The following WWC1 variants were observed in gnomAD, a reference collection of about 807,000 sequenced individuals.
WWC1 encodes WW and C2 domain containing 1, also known as protein KIBRA.
Under a neutral mutation model 138.4 loss-of-function variants are expected in WWC1, and 55 were observed. That is an observed-to-expected ratio of 0.40 (90% CI 0.32 to 0.50). The LOEUF is 0.50. Among genes scored for constraint, WWC1 ranks in the 20% least tolerant of loss-of-function variants. The pLI is 0.72. For synonymous variants in WWC1, 524 were observed against 564.9 expected, an observed-to-expected ratio of 0.93 and a Z score of 1.03; for missense variants, 1,226 against 1,420.4, an observed-to-expected ratio of 0.86 and a Z score of 2.20.
At chr5:168,421,079 A>G (rs761900427) in intron 9 of WWC1, among the ~76,000 whole-genome samples, 5 of 152,160 alleles carry the variant, frequency 3.3e-5, no homozygotes, top group African/African-American at 4.8e-5. Flanking sequence ...TTTTGTTCAT[A>G]TAATGTCTAA....
intron 1 of WWC1, among the ~76,000 whole-genome samples, chr5:168,350,416 C>A (rs1774848135): frequency 6.6e-6 from 1 of 152,148 alleles, no homozygotes; most frequent in Non-Finnish European, 1.5e-5. Flanking sequence ...CCAAAAGAGG[C>A]AGAAATGGGT....
At chr5:168,374,468 A>G (rs60421691) in intron 2 of WWC1, among the ~76,000 whole-genome samples, 14,689 of 152,176 alleles carry the variant, frequency 0.097, 1,289 homozygotes, top group East Asian at 0.41. Flanking sequence ...TTTCAAATAG[A>G]AAGCATAGAT....
chr5:168,425,975 G>A (rs896724185), intron 11 of WWC1, among the ~76,000 whole-genome samples: 1 of 152,196 alleles, frequency 6.6e-6, no homozygotes, highest in Non-Finnish European at 1.5e-5. Flanking sequence ...TGGTGCTCCT[G>A]GCTCCAGGTG....
intron 11 of WWC1, among the ~76,000 whole-genome samples, chr5:168,424,339 A>G (rs965937944): frequency 1.3e-5 from 2 of 152,230 alleles, no homozygotes; most frequent in Non-Finnish European, 2.9e-5. Flanking sequence ...GCTAATGGAT[A>G]TACATGGATT....
At position 168,371,461 on chromosome 5, in the gene WWC1, G is replaced by A; in HGVS notation, c.157G>A (p.Asp53Asn). 6.2e-7 allele frequency: 1 copy of A among 1,614,114 alleles called. No individual in the cohort carries two copies. Among genetic ancestry groups the A allele is most frequent in the South Asian group, 1.1e-5 (1 of 91,064 alleles). ...GCTCACCTTTGCTGACTGCATTAGT[G>A]ATGAGTTGCCGCTAGGATGGGAAGA... ...KPLTFADCIS[D>N]ELPLGWEEAY... The change falls in exon 2 of 23, where the codon GAT (aspartate) becomes AAT (asparagine). Residue 53 changes from aspartate to asparagine, a missense_variant. Asp to Asn is a conservative substitution (Grantham distance 23). This residue lies in a region of WWC1 where 1,016 missense variants were observed against 1,153.9 expected (regional missense o/e 0.88). Transcript: ENST00000265293.
At chr5:168,364,881 T>C (rs1776171130) in intron 1 of WWC1, among the ~76,000 whole-genome samples, 1 of 152,202 alleles carries the variant, frequency 6.6e-6, no homozygotes, top group Non-Finnish European at 1.5e-5. Context: ...TCTCGCCCTC[T>C]AGACTGTAAG....
In WWC1 at chr5:168,292,173, C is replaced by A; in HGVS notation, c.21C>A (p.Pro7=). 6.5e-7 allele frequency: 1 copy of A among 1,546,884 alleles called. No homozygotes were observed. ...GGAAGATGCCCCGGCCGGAGCTGCCCCTGCCGGAGGGCTGGGAGGAGGCGC... is the reference window on the plus strand; with the variant it reads ...GGAAGATGCCCCGGCCGGAGCTGCCACTGCCGGAGGGCTGGGAGGAGGCGC... MPRPEL[P]LPEGWEEARD... is the part of the protein sequence containing the mutation. The change falls in exon 1 of 23, where the codon CCC becomes CCA. Residue 7 remains proline (P), a synonymous_variant. Coordinates refer to ENST00000265293, the MANE Select transcript of WWC1 (RefSeq NM_015238.3). The surrounding 1 kb of genome is among the most constrained non-coding windows in gnomAD (Gnocchi z 4.4).
intron 15 of WWC1, among the ~76,000 whole-genome samples, chr5:168,436,983 C>T (rs190193553): frequency 5.9e-5 from 9 of 152,312 alleles, no homozygotes; most frequent in Non-Finnish European, 1.2e-4. Context: ...GTGTCCTTTG[C>T]CTGGCCTCCA....
At chr5:168,330,762 G>C (rs549660786) in intron 1 of WWC1, among the ~76,000 whole-genome samples, 1 of 152,152 alleles carries the variant, frequency 6.6e-6, no homozygotes, top group Non-Finnish European at 1.5e-5. Context: ...GGCAGCAGTC[G>C]GGTTTGGGGG....
At chr5:168,452,418 G>A (rs910955593) in intron 17 of WWC1, among the ~76,000 whole-genome samples, 1 of 152,130 alleles carries the variant, frequency 6.6e-6, no homozygotes, top group African/African-American at 2.4e-5. Flanking sequence ...GAGGATATTT[G>A]GACACACAGA....
chr5:168,470,764 G>A lies in WWC1; in HGVS notation c.*1747G>A, dbSNP rs244893. ...CTTGAACCCAGGAGGCGGAGGTTGC[G>A]GTGAGCCGAGATGGCGCCATTGACT... On this transcript the variant is annotated 3_prime_UTR_variant, in exon 23 of 23. Coordinates refer to ENST00000265293, the MANE Select transcript of WWC1 (RefSeq NM_015238.3). The A allele has an allele frequency of 0.14, 21,966 of 151,896 alleles. 1,679 individuals carry two copies. Among genetic ancestry groups the A allele is most frequent in the East Asian group, 0.22 (1,124 of 5,152 alleles). The allele number at this position is 151,896 out of a possible 1,614,324, so 9.4% of individuals were successfully genotyped here.
chr5:168,355,297 C>T (rs1266187048), intron 1 of WWC1, among the ~76,000 whole-genome samples: 2 of 151,884 alleles, frequency 1.3e-5, no homozygotes, highest in African/African-American at 4.8e-5. Context: ...AGTTTGAGAC[C>T]AGCAGAGCCA....
At chr5:168,401,824 T>C (rs1779335954) in intron 5 of WWC1, among the ~76,000 whole-genome samples, 1 of 152,216 alleles carries the variant, frequency 6.6e-6, no homozygotes, top group Non-Finnish European at 1.5e-5. Flanking sequence ...CTTGGTAATC[T>C]TCAGTAGCAC....
At chr5:168,431,139 A>G (rs1050231065) in intron 14 of WWC1, 113 bp from the exon 15 acceptor site, 34 of 957,766 alleles carry the variant, frequency 3.5e-5, no homozygotes, top group East Asian at 3.2e-4. Flanking sequence ...CCTCACTTCT[A>G]CAAACTCTCA....
chr5:168,428,938 G>T, intron 13 of WWC1, 151 bp downstream of exon 13: 1 of 709,004 alleles, frequency 1.4e-6, no homozygotes. Context: ...CTTAACTGAA[G>T]GGATGCTGAT....
intron 9 of WWC1, among the ~76,000 whole-genome samples, chr5:168,420,459 C>T (rs1781004549): frequency 6.6e-6 from 1 of 152,118 alleles, no homozygotes; most frequent in African/African-American, 2.4e-5. Context: ...CAAATATAAT[C>T]ACATTTGGAG....
At chr5:168,421,956 C>A in intron 9 of WWC1, 52 bp from the exon 10 acceptor site, 2 of 1,507,246 alleles carry the variant, frequency 1.3e-6, no homozygotes, top group Non-Finnish European at 1.8e-6. Context: ...GGTAAGAGTG[C>A]ATGCCTGTGC....
chr5:168,405,034 C>T (rs558379864), intron 5 of WWC1, among the ~76,000 whole-genome samples: 1 of 152,250 alleles, frequency 6.6e-6, no homozygotes, highest in East Asian at 1.9e-4. Context: ...TTGCCCATCC[C>T]ATATTCCATT....
intron 3 of WWC1, among the ~76,000 whole-genome samples, chr5:168,391,831 AATTTGGAAGCTGGAAAGCAGACAG>A (rs1246574642): frequency 2.0e-5 from 3 of 148,098 alleles, no homozygotes; most frequent in African/African-American, 7.4e-5. Flanking sequence ...ACAGCAATAA[AATTTGGAAGCTGGAAAGCAGACAG>A]ACAGGTGGCA....
Sources: gnomAD v4.1 joint callset for allele counts (sites outside exome capture counted in the v4.1 genomes callset) on GRCh38, gnomAD v4.1.1 for gene constraint, gnomAD v4.1.1 regional missense constraint, Gnocchi (gnomAD v3.1) non-coding constraint, MANE v1.5 for transcripts, NCBI Gene and HGNC (gene_info 2026-07-23, HGNC 2026-07-21) for gene names.